ROBO2: variants seen among roughly 807,000 people sequenced by gnomAD.
ROBO2 encodes roundabout homolog 2.
In ROBO2, 53 loss-of-function variants were observed where a neutral mutation model predicts 160.8. That is an observed-to-expected ratio of 0.33 (90% CI 0.26 to 0.41). ROBO2 has a LOEUF of 0.41. Ranked by LOEUF, ROBO2 falls within the 10% of genes least tolerant of loss-of-function variation. The pLI is 1.00. For synonymous variants in ROBO2, 664 were observed against 611.7 expected, an observed-to-expected ratio of 1.09 and a Z score of -1.26; for missense variants, 1,577 against 1,722.4, an observed-to-expected ratio of 0.92 and a Z score of 1.49.
chr3:76,276,674 A>G (rs969054888), intron 2 of ROBO2, among the ~76,000 whole-genome samples: 2 of 152,076 alleles, frequency 1.3e-5, no homozygotes, highest in African/African-American at 4.8e-5. Context: ...AAATGAAGAA[A>G]GGCTTACCAA....
intron 2 of ROBO2, among the ~76,000 whole-genome samples, chr3:77,181,154 C>G (rs1206655966): frequency 2.6e-5 from 4 of 151,992 alleles, no homozygotes; most frequent in African/African-American, 9.7e-5. Flanking sequence ...CCTGTTGTAA[C>G]ACAGAAAATG....
At position 76,073,837 on chromosome 3, in the gene ROBO2, T is replaced by C. The variant is rs142550438; in HGVS notation, c.109+136235T>C. Among the ~76,000 whole-genome samples the C allele has an allele frequency of 6.2e-3, 946 of 152,204 alleles. 14 individuals are homozygous for C. The highest frequency in any genetic ancestry group is 0.022 in the African/African-American group (905 of 41,540). On this transcript the variant is annotated intron_variant, in intron 2 of 26. Coordinates refer to the ROBO2 transcript ENST00000487694. Reference sequence around the variant, plus strand: ...TCAACTAGAGAGATAAGCAGTGTCCTGACAAATGTGAACAAGGGTTCCCTT... The same window carrying C: ...TCAACTAGAGAGATAAGCAGTGTCCCGACAAATGTGAACAAGGGTTCCCTT...
intron 2 of ROBO2, among the ~76,000 whole-genome samples, chr3:76,828,986 C>A (rs1169890631): frequency 1.3e-5 from 2 of 152,044 alleles, no homozygotes; most frequent in Non-Finnish European, 2.9e-5. Flanking sequence ...CTTTTGCCCA[C>A]CTCCTTCTTG....
chr3:77,260,651 G>C (rs1414478333), intron 2 of ROBO2, among the ~76,000 whole-genome samples: 1 of 152,162 alleles, frequency 6.6e-6, no homozygotes, highest in African/African-American at 2.4e-5. Context: ...TCAGCTCTGA[G>C]AGTTTAAATG....
chr3:77,306,359 C>T (rs2153417573), intron 2 of ROBO2, among the ~76,000 whole-genome samples: 1 of 152,188 alleles, frequency 6.6e-6, no homozygotes, highest in African/African-American at 2.4e-5. Flanking sequence ...AATATGCATT[C>T]ATATACACCT....
intron 2 of ROBO2, among the ~76,000 whole-genome samples, chr3:76,063,687 T>C (rs2068144564): frequency 6.6e-6 from 1 of 152,122 alleles, no homozygotes; most frequent in Admixed American, 6.6e-5. Context: ...AGATAGGTGC[T>C]AAGCTTATTC....
intron 2 of ROBO2, among the ~76,000 whole-genome samples, chr3:77,222,356 G>C (rs1360432861): frequency 6.6e-6 from 1 of 152,202 alleles, no homozygotes; most frequent in Non-Finnish European, 1.5e-5. Context: ...TTTGGTGTGT[G>C]TTGTTTCCCC....
At chr3:76,524,709 A>AATTGTTTT (rs2081834701) in intron 2 of ROBO2, among the ~76,000 whole-genome samples, 1 of 151,294 alleles carries the variant, frequency 6.6e-6, no homozygotes, top group Non-Finnish European at 1.5e-5. Flanking sequence ...ACTGCCAGGC[A>AATTGTTTT]ATTGTTTTCA....
chr3:76,948,908 A>ATATT (rs1209284372), intron 2 of ROBO2, among the ~76,000 whole-genome samples: 31 of 24,962 alleles, frequency 1.2e-3, no homozygotes, highest in Non-Finnish European at 1.5e-3. Context: ...ATATATATAT[A>ATATT]TTTTTTTTTT....
At chr3:77,615,654 A>G (rs1038226157) in intron 21 of ROBO2, among the ~76,000 whole-genome samples, 1 of 152,078 alleles carries the variant, frequency 6.6e-6, no homozygotes, top group African/African-American at 2.4e-5. Flanking sequence ...ATGTCTTTTT[A>G]TGGCTTGACA....
intron 1 of ROBO2, among the ~76,000 whole-genome samples, chr3:77,089,098 A>G (rs1206567549): frequency 6.6e-6 from 1 of 152,184 alleles, no homozygotes; most frequent in Non-Finnish European, 1.5e-5. Context: ...CTAACCATAT[A>G]TTGGTCCAGA....
intron 2 of ROBO2, among the ~76,000 whole-genome samples, chr3:75,938,233 C>A (rs1007868395): frequency 6.6e-6 from 1 of 151,456 alleles, no homozygotes; most frequent in African/African-American, 2.4e-5. Flanking sequence ...TGTAATAAGG[C>A]TTTCAATACT....
chr3:77,617,728 A>C, exon 22 of ROBO2: 1 of 1,613,940 alleles, frequency 6.2e-7, no homozygotes, highest in Non-Finnish European at 8.5e-7. Flanking sequence ...GCTCACCTGG[A>C]TGAGTTGACA....
At position 76,024,554 on chromosome 3, in the gene ROBO2, A is replaced by ATTTGCG. The variant is rs1437657077; in HGVS notation, c.109+86954_109+86955insTGCGTT. 6.6e-5 allele frequency among the ~76,000 whole-genome samples: 10 copies of ATTTGCG among 151,750 alleles called. No homozygotes were observed. The East Asian group carries it at 1.9e-3, about 29-fold the overall frequency. ...AGATGACTATAACATGCAAATTAAG[A>ATTTGCG]TTATAACCACGCATTTTCAACTGGA... On this transcript the variant is annotated intron_variant, in intron 2 of 26. Transcript: ENST00000487694.
At chr3:76,070,585 G>A (rs2068418935) in intron 2 of ROBO2, among the ~76,000 whole-genome samples, 1 of 152,134 alleles carries the variant, frequency 6.6e-6, no homozygotes, top group South Asian at 2.1e-4. Flanking sequence ...TTTGCCTTGT[G>A]ATATTCTATT....
intron 2 of ROBO2, among the ~76,000 whole-genome samples, chr3:76,648,970 G>T (rs566830600): frequency 6.6e-6 from 1 of 152,012 alleles, no homozygotes; most frequent in Non-Finnish European, 1.5e-5. Context: ...ATTTTATGCT[G>T]CCTCTAAGTC....
At chr3:76,272,926 AT>A (rs1360162167) in intron 2 of ROBO2, among the ~76,000 whole-genome samples, 4 of 25,838 alleles carry the variant, frequency 1.5e-4, no homozygotes, top group Non-Finnish European at 2.1e-4. Context: ...AAATATATAT[AT>A]TTATATATAA....
At chr3:77,426,456 G>C (rs902957431) in intron 2 of ROBO2, among the ~76,000 whole-genome samples, 1 of 152,000 alleles carries the variant, frequency 6.6e-6, no homozygotes, top group Admixed American at 6.5e-5. Flanking sequence ...AATCAGGCGT[G>C]AGATTAAGGT....
chr3:76,140,364 G>A (rs775486326), intron 2 of ROBO2, among the ~76,000 whole-genome samples: 15 of 151,840 alleles, frequency 9.9e-5, no homozygotes, highest in Non-Finnish European at 2.2e-4. Context: ...AAGGCTTAAG[G>A]ATAATAATAG....
Sources: allele counts gnomAD v4.1 joint callset (sites outside exome capture counted in the v4.1 genomes callset), GRCh38; gene constraint gnomAD v4.1.1; transcripts MANE v1.5; gene names NCBI Gene and HGNC (gene_info 2026-07-23, HGNC 2026-07-21).